Variants in NRXN3 observed in about 807,000 individuals in gnomAD.
NRXN3 encodes neurexin III.
Under a neutral mutation model 137.6 loss-of-function variants are expected in NRXN3, and 32 were observed. The ratio of observed to expected loss-of-function variants is 0.23; its 90% CI spans 0.18 to 0.31. The LOEUF (loss-of-function observed/expected upper bound fraction) is 0.31, where lower values mean the gene tolerates loss of function less well. Ranked by LOEUF, NRXN3 falls within the 10% of genes least tolerant of loss-of-function variation. The pLI, the probability that NRXN3 is intolerant of heterozygous loss-of-function variation, is 1.00. For missense variants in NRXN3, 1,574 were observed against 2,062.5 expected (o/e 0.76, Z 4.59); for synonymous variants, 798 against 784.5 (o/e 1.02, Z -0.29).
chr14:78,250,265 G>A (rs1057243458), intron 2 of NRXN3, among the ~76,000 whole-genome samples: 4 of 152,148 alleles, frequency 2.6e-5, no homozygotes, highest in Non-Finnish European at 4.4e-5. Context: ...CGTACATCAT[G>A]GAGTTGTTGA....
At chr14:79,453,362 A>T (rs927020340) in intron 15 of NRXN3, among the ~76,000 whole-genome samples, 2 of 152,196 alleles carry the variant, frequency 1.3e-5, no homozygotes, top group African/African-American at 4.8e-5. Flanking sequence ...ATATAGAGAG[A>T]GGTTCAAATA....
chr14:78,828,510 C>G (rs2152388087), intron 10 of NRXN3, among the ~76,000 whole-genome samples: 1 of 152,324 alleles, frequency 6.6e-6, no homozygotes, highest in Non-Finnish European at 1.5e-5. Context: ...TAGCACAAAA[C>G]AGCCATAGAC....
Position 78,797,557 on chromosome 14 carries a change from G to T in NRXN3, c.2045-6063G>T, listed in dbSNP as rs183050007. Among the ~76,000 whole-genome samples, 9 of 152,268 alleles carry T rather than the reference G, an allele frequency of 5.9e-5. No homozygotes were observed. The East Asian group carries it at 1.5e-3, about 26-fold the overall frequency. On this transcript the variant is annotated intron_variant, in intron 8 of 20. Transcript: ENST00000335750. Reference sequence around the variant, plus strand: ...TGAAATTTTAATACATATTGTATATGTCTATTCATCTATCTTCCAATAGAA... The same window carrying T: ...TGAAATTTTAATACATATTGTATATTTCTATTCATCTATCTTCCAATAGAA...
At chr14:78,295,641 G>A (rs1357247269) in intron 3 of NRXN3, among the ~76,000 whole-genome samples, 1 of 152,160 alleles carries the variant, frequency 6.6e-6, no homozygotes, top group Non-Finnish European at 1.5e-5. Flanking sequence ...TGGGCAACTT[G>A]TTTAAAATTC....
rs78662666 is a variant in NRXN3, at chr14:78,329,749, G to C, written c.757+31889G>C. Among the ~76,000 whole-genome samples, 432 of 152,282 alleles carry C rather than the reference G, an allele frequency of 2.8e-3. 6 individuals carry two copies. Among genetic ancestry groups the C allele is most frequent in the African/African-American group, 9.6e-3 (401 of 41,558 alleles). ...CCTTGAGGTTTTTTGGGGAAGTTGG[G>C]ATCAGCACCTGGAAGCCCATGACTG... On this transcript the variant is annotated intron_variant, in intron 4 of 20. Coordinates refer to ENST00000335750, the MANE Select transcript of NRXN3 (RefSeq NM_001330195.2).
rs566983624 is a variant in NRXN3 at position 78,300,931 on chromosome 14, C to A, written c.757+3071C>A. On this transcript the variant is annotated intron_variant, in intron 4 of 20. Coordinates refer to ENST00000335750, the MANE Select transcript of NRXN3 (RefSeq NM_001330195.2). ...TGCCTCCCTCTAAACTGAGGGCGGG[C>A]CTTCTGCATGATCTTGTACTCTTTC... Among the ~76,000 whole-genome samples, 7 of 152,234 alleles carry A rather than the reference C, an allele frequency of 4.6e-5. 1 individual carries two copies. In the South Asian group the frequency reaches 1.4e-3, roughly 32 times the overall value.
intron 15 of NRXN3, among the ~76,000 whole-genome samples, chr14:79,084,707 G>A (rs1424849403): frequency 6.6e-6 from 1 of 151,936 alleles, no homozygotes; most frequent in Non-Finnish European, 1.5e-5. Context: ...ACTTTGGTTG[G>A]TTCTTATTTT....
chr14:79,830,403 T>C (rs2099319666), intron 20 of NRXN3, among the ~76,000 whole-genome samples: 1 of 152,182 alleles, frequency 6.6e-6, no homozygotes, highest in East Asian at 1.9e-4. Context: ...TGGAGGCACC[T>C]TTTTTTCTGA....
At chr14:79,135,333 C>G (rs751996955) in intron 15 of NRXN3, among the ~76,000 whole-genome samples, 9 of 152,174 alleles carry the variant, frequency 5.9e-5, no homozygotes, top group Non-Finnish European at 1.3e-4. Flanking sequence ...CTCTCCCTCT[C>G]TCTTTCATAT....
At chr14:78,836,012 G>A (rs914575148) in intron 10 of NRXN3, among the ~76,000 whole-genome samples, 2 of 152,118 alleles carry the variant, frequency 1.3e-5, no homozygotes, top group African/African-American at 4.8e-5. Context: ...ATGTGTAGGG[G>A]CACTGTGGGG....
intron 4 of NRXN3, among the ~76,000 whole-genome samples, chr14:78,438,907 C>G (rs990458727): frequency 2.3e-4 from 35 of 151,996 alleles, no homozygotes; most frequent in South Asian, 1.0e-3. Context: ...GAAGTTTTGG[C>G]ATAGACTTGA....
chr14:78,978,963 C>A (rs1462778478), intron 14 of NRXN3, among the ~76,000 whole-genome samples: 1 of 151,626 alleles, frequency 6.6e-6, no homozygotes, highest in African/African-American at 2.4e-5. Context: ...ATTCGAAAAG[C>A]CCAAGAACCA....
chr14:79,217,991 G>T (rs1184157823), intron 15 of NRXN3, among the ~76,000 whole-genome samples: 1 of 152,102 alleles, frequency 6.6e-6, no homozygotes, highest in Non-Finnish European at 1.5e-5. Flanking sequence ...GGACACTGTT[G>T]GATTCATATC....
intron 15 of NRXN3, among the ~76,000 whole-genome samples, chr14:79,202,258 G>A (rs867000957): frequency 6.6e-6 from 1 of 152,004 alleles, no homozygotes; most frequent in Non-Finnish European, 1.5e-5. Flanking sequence ...TGGGGGGTAG[G>A]CAGAAGAATG....
chr14:79,452,120 T>TA (rs148052506), intron 15 of NRXN3, among the ~76,000 whole-genome samples: 4,015 of 150,002 alleles, frequency 0.027, 183 homozygotes, highest in African/African-American at 0.092. Flanking sequence ...ATCCCATCAT[T>TA]AAAAAAAAAT....
intron 15 of NRXN3, among the ~76,000 whole-genome samples, chr14:79,122,921 C>G (rs1173938175): frequency 6.6e-6 from 1 of 152,150 alleles, no homozygotes; most frequent in Non-Finnish European, 1.5e-5. Context: ...TTGAAAACCT[C>G]TATTTTACTC....
chr14:79,374,608 T>G (rs939892519), intron 15 of NRXN3, among the ~76,000 whole-genome samples: 5 of 152,092 alleles, frequency 3.3e-5, no homozygotes, highest in Non-Finnish European at 7.4e-5. Context: ...TATCTTGACT[T>G]AAGCATCCCT....
chr14:79,585,686 AAAAAAAAC>A (rs1296864182), intron 16 of NRXN3, among the ~76,000 whole-genome samples: 39 of 140,054 alleles, frequency 2.8e-4, no homozygotes, highest in South Asian at 5.1e-4. Context: ...TCCATCTTAA[AAAAAAAAC>A]AAAAAAAAAA....
chr14:78,709,429 A>G lies in NRXN3; in HGVS notation c.1434A>G (p.Thr478=). 1 of 1,614,170 alleles carries G rather than the reference A, an allele frequency of 6.2e-7. No individual in the cohort carries two copies. The highest frequency in any genetic ancestry group is 8.5e-7 in the Non-Finnish European group (1 of 1,180,016). ...MGSISFDFRT[T]EPNGLILFTH... ...CCATCTCCTTTGACTTCCGCACCAC[A>G]GAGCCCAATGGCCTGATCCTCTTCA... Residue 478 remains threonine, a synonymous_variant, in exon 7 of 21, where the codon ACA becomes ACG. Coordinates refer to ENST00000335750, the MANE Select transcript of NRXN3 (RefSeq NM_001330195.2).
Sources: allele counts gnomAD v4.1 joint callset (sites outside exome capture counted in the v4.1 genomes callset), GRCh38; gene constraint gnomAD v4.1.1; transcripts MANE v1.5; gene names NCBI Gene and HGNC (gene_info 2026-07-23, HGNC 2026-07-21).